The following AGBL4 variants were observed in gnomAD, a reference collection of about 807,000 sequenced individuals.
The protein encoded by AGBL4 is AGBL carboxypeptidase 4, also known as cytosolic carboxypeptidase 6.
Under a neutral mutation model 66.4 loss-of-function variants are expected in AGBL4, and 58 were observed. The observed-to-expected ratio is 0.87, with a 90% CI of 0.71 to 1.09. The LOEUF (loss-of-function observed/expected upper bound fraction) is 1.09, where lower values mean the gene tolerates loss of function less well. Ranked by LOEUF, AGBL4 falls within the 50% of genes least tolerant of loss-of-function variation. The probability of loss-of-function intolerance (pLI) is 0.00; values close to 1 mark genes in which losing one functional copy is unlikely to be tolerated. For synonymous variants in AGBL4, 234 were observed against 222.9 expected, an observed-to-expected ratio of 1.05 and a Z score of -0.44; for missense variants, 579 against 631.0, an observed-to-expected ratio of 0.92 and a Z score of 0.88.
At chr1:49,727,586 G>C (rs1649127974) in intron 2 of AGBL4, among the ~76,000 whole-genome samples, 1 of 152,012 alleles carries the variant, frequency 6.6e-6, no homozygotes, top group African/African-American at 2.4e-5. Flanking sequence ...TTTTATGAAA[G>C]GGAAAAATAA....
chr1:48,936,381 C>T (rs910730810), intron 5 of AGBL4, among the ~76,000 whole-genome samples: 1 of 152,162 alleles, frequency 6.6e-6, no homozygotes, highest in Non-Finnish European at 1.5e-5. Flanking sequence ...GAAAGCCACC[C>T]TCTATGATGA....
At chr1:49,084,570 A>G (rs111731902) in intron 4 of AGBL4, among the ~76,000 whole-genome samples, 26 of 152,280 alleles carry the variant, frequency 1.7e-4, no homozygotes, top group Non-Finnish European at 2.9e-4. Context: ...AACCACCCCC[A>G]TGATTCAATT....
At chr1:49,002,415 C>A (rs899704909) in intron 5 of AGBL4, among the ~76,000 whole-genome samples, 1 of 152,138 alleles carries the variant, frequency 6.6e-6, no homozygotes, top group African/African-American at 2.4e-5. Context: ...CTTATTCTAT[C>A]GTAAAACTAA....
intron 3 of AGBL4, among the ~76,000 whole-genome samples, chr1:49,461,785 C>A (rs1380509067): frequency 1.3e-5 from 2 of 151,654 alleles, no homozygotes; most frequent in Non-Finnish European, 2.9e-5. Flanking sequence ...CAAGTCCCTG[C>A]AAACAACATA....
intron 3 of AGBL4, among the ~76,000 whole-genome samples, chr1:49,306,134 G>A (rs1644845420): frequency 6.6e-6 from 1 of 152,120 alleles, no homozygotes; most frequent in South Asian, 2.1e-4. Flanking sequence ...TGCAAGAAAA[G>A]GATCTGTTCA....
intron 6 of AGBL4, among the ~76,000 whole-genome samples, chr1:48,685,585 C>T (rs1014118611): frequency 1.3e-5 from 2 of 152,048 alleles, no homozygotes; most frequent in Admixed American, 1.3e-4. Flanking sequence ...AGCTGTGCAG[C>T]CTTTGAAAAA....
At chr1:49,976,124 G>A (rs991943263) in intron 1 of AGBL4, among the ~76,000 whole-genome samples, 2 of 152,150 alleles carry the variant, frequency 1.3e-5, no homozygotes, top group African/African-American at 2.4e-5. Context: ...AGACAAACAG[G>A]CTTCACTTTG....
chr1:48,879,001 T>G (rs956061261), intron 5 of AGBL4, among the ~76,000 whole-genome samples: 6 of 152,136 alleles, frequency 3.9e-5, no homozygotes, highest in African/African-American at 9.7e-5. Context: ...AGCTTGATTA[T>G]GAGGAAAGAA....
chr1:48,603,954 A>T (rs1645114117), intron 9 of AGBL4, among the ~76,000 whole-genome samples: 1 of 151,804 alleles, frequency 6.6e-6, no homozygotes, highest in African/African-American at 2.4e-5. Context: ...CAACAAAACA[A>T]CAACAACAAC....
chr1:48,652,188 C>A (rs1645941848), intron 8 of AGBL4, among the ~76,000 whole-genome samples: 1 of 152,122 alleles, frequency 6.6e-6, no homozygotes, highest in African/African-American at 2.4e-5. Context: ...GGTGATGGAG[C>A]AAGACCCTGT....
At chr1:49,911,953 C>A (rs1650879488) in intron 1 of AGBL4, among the ~76,000 whole-genome samples, 1 of 152,226 alleles carries the variant, frequency 6.6e-6, no homozygotes, top group South Asian at 2.1e-4. Flanking sequence ...CTGTATTTTA[C>A]AGCCCAGGAG....
intron 3 of AGBL4, among the ~76,000 whole-genome samples, chr1:49,372,634 TC>T (rs1644379506): frequency 7.4e-6 from 1 of 135,038 alleles, no homozygotes. Flanking sequence ...TTTCTTTCTT[TC>T]TTTCTTTCTT....
At chr1:48,701,943 G>T (rs993291155) in intron 6 of AGBL4, among the ~76,000 whole-genome samples, 4 of 152,154 alleles carry the variant, frequency 2.6e-5, no homozygotes, top group African/African-American at 9.7e-5. Context: ...TGGTATAGTA[G>T]CTGACTAGTA....
chr1:48,745,302 C>A (rs1446487517), intron 6 of AGBL4, among the ~76,000 whole-genome samples: 1 of 152,156 alleles, frequency 6.6e-6, no homozygotes, highest in African/African-American at 2.4e-5. Flanking sequence ...TGTCTGTAAT[C>A]TTTCTTGGAG....
intron 1 of AGBL4, among the ~76,000 whole-genome samples, chr1:49,917,717 C>T (rs561934444): frequency 1.3e-5 from 2 of 152,274 alleles, no homozygotes; most frequent in African/African-American, 4.8e-5. Flanking sequence ...TTAAACTCAG[C>T]TCTGCACCAA....
intron 5 of AGBL4, among the ~76,000 whole-genome samples, chr1:49,037,956 A>C (rs750393888): frequency 3.3e-5 from 5 of 152,100 alleles, no homozygotes; most frequent in Non-Finnish European, 5.9e-5. Flanking sequence ...TAGACAAATT[A>C]CTTAATCTCA....
chr1:49,603,937 C>T (rs1227669535), intron 3 of AGBL4, among the ~76,000 whole-genome samples: 4 of 28,942 alleles, frequency 1.4e-4, no homozygotes, highest in Admixed American at 3.2e-4. Context: ...TATACACACA[C>T]ACACACACAC....
chr1:49,450,857 A>G (rs1646263121), intron 3 of AGBL4, among the ~76,000 whole-genome samples: 1 of 152,076 alleles, frequency 6.6e-6, no homozygotes, highest in Non-Finnish European at 1.5e-5. Flanking sequence ...CTGCAAAGCC[A>G]TCTGTATTCG....
At chr1:49,760,366 TG>T (rs1652213714) in intron 2 of AGBL4, among the ~76,000 whole-genome samples, 1 of 152,184 alleles carries the variant, frequency 6.6e-6, no homozygotes, top group African/African-American at 2.4e-5. Flanking sequence ...ATGAAGTCTT[TG>T]CCCATGCCTA....
Sources: gnomAD v4.1 joint callset for allele counts (sites outside exome capture counted in the v4.1 genomes callset) on GRCh38, gnomAD v4.1.1 for gene constraint, MANE v1.5 for transcripts, NCBI Gene and HGNC (gene_info 2026-07-23, HGNC 2026-07-21) for gene names.